Variants in BLOC1S3 observed in about 807,000 individuals in gnomAD.
The protein encoded by BLOC1S3 is biogenesis of lysosomal organelles complex 1 subunit 3.
In BLOC1S3, 7 loss-of-function variants were observed where a neutral mutation model predicts 9.1. The observed-to-expected ratio is 0.77, with a 90% CI of 0.44 to 1.45. The LOEUF (loss-of-function observed/expected upper bound fraction) is 1.45. Ranked by LOEUF, BLOC1S3 falls within the 40% of genes most tolerant of loss-of-function variation. The probability of loss-of-function intolerance (pLI) is 0.01; values close to 1 mark genes in which losing one functional copy is unlikely to be tolerated. For missense variants in BLOC1S3, 307 were observed against 315.2 expected, an observed-to-expected ratio of 0.97 and a Z score of 0.20; for synonymous variants, 145 against 158.4, an observed-to-expected ratio of 0.92 and a Z score of 0.64.
chr19:45,205,714 G>A (rs1459820722), intron 3 of BLOC1S3, among the ~76,000 whole-genome samples: 2 of 152,118 alleles, frequency 1.3e-5, no homozygotes, highest in East Asian at 1.9e-4. Flanking sequence ...AAGCCAAACA[G>A]TGGGAGAAAA....
chr19:45,209,221 A>ATTTTTTTT (rs1969749650), intron 3 of BLOC1S3, among the ~76,000 whole-genome samples: 1 of 146,378 alleles, frequency 6.8e-6, no homozygotes, highest in Non-Finnish European at 1.5e-5. Flanking sequence ...GCTAATTTTT[A>ATTTTTTTT]TATTTTTAGT....
chr19:45,204,872 C>T (rs958562764), intron 3 of BLOC1S3, among the ~76,000 whole-genome samples: 1 of 151,770 alleles, frequency 6.6e-6, no homozygotes, highest in African/African-American at 2.4e-5. Flanking sequence ...GCTGGGATTA[C>T]AGGCATGCAC....
chr19:45,186,556 T>G (rs1568472080), downstream of BLOC1S3, among the ~76,000 whole-genome samples: 1 of 151,986 alleles, frequency 6.6e-6, no homozygotes, highest in East Asian at 1.9e-4. Context: ...AATACAAAAA[T>G]TAGTCCAGTG....
intron 3 of BLOC1S3, among the ~76,000 whole-genome samples, chr19:45,205,168 G>A (rs1279394178): frequency 1.2e-5 from 1 of 83,564 alleles, no homozygotes; most frequent in Non-Finnish European, 2.1e-5. Flanking sequence ...ACAAGAAATT[G>A]TGTGTGTGTG....
chr19:45,197,516 A>AAGAAAAAGAATAAAAAAGAAGAAGT (rs1969657963), intron 2 of BLOC1S3, among the ~76,000 whole-genome samples: 1 of 149,606 alleles, frequency 6.7e-6, no homozygotes, highest in East Asian at 2.0e-4. Context: ...AAAGAAGAAG[A>AAGAAAAAGAATAAAAAAGAAGAAGT]AGAAAAAGAA....
chr19:45,183,208 A>C (rs551805553), downstream of BLOC1S3, among the ~76,000 whole-genome samples: 1 of 152,182 alleles, frequency 6.6e-6, no homozygotes, highest in African/African-American at 2.4e-5. Context: ...GGCTGTGCGC[A>C]GTGGCTCACG....
chr19:45,213,793 T>TAA (rs376637056), intron 3 of BLOC1S3, among the ~76,000 whole-genome samples: 4 of 134,694 alleles, frequency 3.0e-5, no homozygotes, highest in African/African-American at 2.7e-5. Context: ...AAAAATACAT[T>TAA]AAAAAAAAAA....
At chr19:45,213,416 C>G in intron 3 of BLOC1S3, 2 of 1,592,676 alleles carry the variant, frequency 1.3e-6, no homozygotes, top group Non-Finnish European at 1.7e-6. Flanking sequence ...ACACACCCAA[C>G]CCAGCCGTGG....
intron 2 of BLOC1S3, among the ~76,000 whole-genome samples, chr19:45,188,562 A>ATTC (rs1364786260): frequency 8.3e-6 from 1 of 120,484 alleles, no homozygotes; most frequent in African/African-American, 2.7e-5. Flanking sequence ...TATTATTATT[A>ATTC]TTATTATTAT....
downstream of BLOC1S3, among the ~76,000 whole-genome samples, chr19:45,185,378 T>C (rs1439585436): frequency 6.6e-6 from 1 of 152,154 alleles, no homozygotes; most frequent in Non-Finnish European, 1.5e-5. Context: ...GGCATCAGCC[T>C]CTCAGATGCA....
chr19:45,212,867 T>C (rs1969789996), intron 3 of BLOC1S3: 2 of 541,222 alleles, frequency 3.7e-6, no homozygotes, highest in Non-Finnish European at 6.0e-6. Context: ...CCCAAAGTGT[T>C]GGGATTACAG....
intron 2 of BLOC1S3, among the ~76,000 whole-genome samples, chr19:45,201,690 G>T (rs1272053358): frequency 6.6e-6 from 1 of 152,136 alleles, no homozygotes; most frequent in Non-Finnish European, 1.5e-5. Flanking sequence ...CAAGCCACAA[G>T]AAAAAGTCTT....
At chr19:45,188,389 T>G (rs1361579568) in intron 2 of BLOC1S3, among the ~76,000 whole-genome samples, 3 of 151,954 alleles carry the variant, frequency 2.0e-5, no homozygotes, top group Non-Finnish European at 4.4e-5. Context: ...TGACCAGGCT[T>G]GTACAGAACT....
chr19:45,215,235 C>T (rs2122952605), intron 3 of BLOC1S3, among the ~76,000 whole-genome samples: 1 of 152,264 alleles, frequency 6.6e-6, no homozygotes, highest in Middle Eastern at 3.4e-3. Context: ...TCGTGGGAAG[C>T]CGAGGCAGGC....
chr19:45,212,467 C>T (rs1044951441), intron 3 of BLOC1S3, among the ~76,000 whole-genome samples: 3 of 152,028 alleles, frequency 2.0e-5, no homozygotes, highest in Non-Finnish European at 4.4e-5. Flanking sequence ...GGCGGGGGAG[C>T]TGGGATATTT....
chr19:45,206,018 A>T (rs891014272), intron 3 of BLOC1S3, among the ~76,000 whole-genome samples: 1 of 152,080 alleles, frequency 6.6e-6, no homozygotes, highest in African/African-American at 2.4e-5. Flanking sequence ...TTTGAGACCA[A>T]CTTGGGCAAC....
intron 3 of BLOC1S3, among the ~76,000 whole-genome samples, chr19:45,205,758 T>A (rs573521760): frequency 1.3e-5 from 2 of 152,248 alleles, no homozygotes; most frequent in African/African-American, 4.8e-5. Flanking sequence ...AAACAACTAG[T>A]ATCCAGATAT....
At chr19:45,198,570 A>G (rs1969666597) in intron 2 of BLOC1S3, among the ~76,000 whole-genome samples, 1 of 152,250 alleles carries the variant, frequency 6.6e-6, no homozygotes. Flanking sequence ...CTGGGATTAC[A>G]GGCGTGAGCC....
At chr19:45,216,812 A>G (rs1969840208) in exon 4 of BLOC1S3, 1 of 152,116 alleles carries the variant, frequency 6.6e-6, no homozygotes, top group African/African-American at 2.4e-5. Flanking sequence ...CTGCATGTGA[A>G]TCTACAATTA....
Sources: gnomAD v4.1 joint callset for allele counts (sites outside exome capture counted in the v4.1 genomes callset) on GRCh38, gnomAD v4.1.1 for gene constraint, MANE v1.5 for transcripts, NCBI Gene and HGNC (gene_info 2026-07-23, HGNC 2026-07-21) for gene names.